The following NTMT1 variants were observed in gnomAD, a reference collection of about 807,000 sequenced individuals.
NTMT1 encodes the protein N-terminal Xaa-Pro-Lys N-methyltransferase 1.
A neutral mutation model predicts 17.5 loss-of-function variants in NTMT1; 8 were observed. That is an observed-to-expected ratio of 0.46 (90% CI 0.27 to 0.82). NTMT1 has a LOEUF of 0.82. Among genes scored for constraint, NTMT1 ranks in the 40% least tolerant of loss-of-function variants. NTMT1 has a pLI of 0.15. For synonymous variants in NTMT1, 128 were observed against 126.8 expected, an observed-to-expected ratio of 1.01 and a Z score of -0.06; for missense variants, 221 against 303.5, an observed-to-expected ratio of 0.73 and a Z score of 2.02.
chr9:129,619,593 G>A, intron 1 of NTMT1: 1 of 1,614,134 alleles, frequency 6.2e-7, no homozygotes, highest in Non-Finnish European at 8.5e-7. Context: ...GTCTGCTGGA[G>A]CGAAATCTTC....
intron 1 of NTMT1, among the ~76,000 whole-genome samples, chr9:129,630,513 G>A (rs1297424283): frequency 3.3e-5 from 5 of 152,100 alleles, no homozygotes; most frequent in South Asian, 2.1e-4. Flanking sequence ...CAAAGGCCTC[G>A]TGCTCCTTCT....
intron 1 of NTMT1, chr9:129,619,854 T>C (rs765235911): frequency 3.1e-6 from 5 of 1,611,578 alleles, no homozygotes; most frequent in Middle Eastern, 3.3e-4. Context: ...GAAACAGTTG[T>C]GAGCCTTGGC....
At chr9:129,610,380 C>CG in intron 1 of NTMT1, among the ~76,000 whole-genome samples, 1 of 151,622 alleles carries the variant, frequency 6.6e-6, no homozygotes, top group Non-Finnish European at 1.5e-5. Context: ...AGACCCGCCC[C>CG]GGGGGCTCCA....
chr9:129,611,894 A>G (rs894163221), intron 1 of NTMT1, among the ~76,000 whole-genome samples: 6 of 151,936 alleles, frequency 3.9e-5, no homozygotes, highest in African/African-American at 1.5e-4. Context: ...CTGGGGCTAG[A>G]GGCGTGGAGC....
At chr9:129,619,498 C>T in intron 1 of NTMT1, 1 of 1,567,856 alleles carries the variant, frequency 6.4e-7, no homozygotes, top group South Asian at 1.1e-5. Flanking sequence ...ACTACCCTAC[C>T]CTTATCCCGC....
chr9:129,630,174 G>C (rs1194907909), intron 1 of NTMT1, among the ~76,000 whole-genome samples: 3 of 152,060 alleles, frequency 2.0e-5, no homozygotes, highest in Non-Finnish European at 4.4e-5. Context: ...TAACAAATTT[G>C]ACCAATGAAA....
rs764011501 is a variant in NTMT1 at position 129,613,551 on chromosome 9, C to T, written c.-55+4373C>T. On this transcript the variant is annotated intron_variant, in intron 1 of 3. Coordinates refer to the NTMT1 transcript ENST00000372486. The surrounding 1 kb of genome is among the most constrained non-coding windows in gnomAD (Gnocchi z 6.2). ...CGACACTCCCAAACACCCGCTCGGA[C>T]GCCACTGGCAGGGCGGCCTTCTGGT... 64 of 1,614,100 alleles carry T rather than the reference C, an allele frequency of 4.0e-5. No homozygotes were observed. In the East Asian group the frequency reaches 4.2e-4, roughly 11 times the overall value.
At chr9:129,622,065 C>T (rs561121929), upstream of NTMT1, among the ~76,000 whole-genome samples, 6 of 152,336 alleles carry the variant, frequency 3.9e-5, no homozygotes, top group African/African-American at 1.2e-4. Flanking sequence ...CTGGCCGCAG[C>T]CACCTGGGGC....
In NTMT1 at chr9:129,620,866, G is replaced by C. The variant is rs773377935; in HGVS notation, c.-55+11688G>C. 1.2e-5 allele frequency: 4 copies of C among 336,122 alleles called. No homozygotes were observed. Among genetic ancestry groups the C allele is most frequent in the Non-Finnish European group, 2.1e-5 (4 of 186,858 alleles). The allele number at this position is 336,122 out of a possible 1,614,324, so 20.8% of individuals were successfully genotyped here. A position where few individuals can be genotyped will look rare whatever the true frequency, so the allele number is the denominator to read the frequency against. On this transcript the variant is annotated intron_variant, in intron 1 of 3. Transcript: ENST00000372486. The surrounding 1 kb of genome is among the most constrained non-coding windows in gnomAD (Gnocchi z 5.8). ...GTCTTAGAACAGCAAGCTCGGTACAGTGCCAGGCACGCTGGCCAAGCTTAC... is the reference window on the plus strand; with the variant it reads ...GTCTTAGAACAGCAAGCTCGGTACACTGCCAGGCACGCTGGCCAAGCTTAC...
At chr9:129,612,474 C>T in intron 1 of NTMT1, 1 of 1,598,580 alleles carries the variant, frequency 6.3e-7, no homozygotes, top group Non-Finnish European at 8.6e-7. Flanking sequence ...GACAGAGGAC[C>T]AGCTGGCTGC....
At chr9:129,612,301 TCA>T in intron 1 of NTMT1, 3 of 1,523,638 alleles carry the variant, frequency 2.0e-6, no homozygotes. Context: ...AGGACGCTCC[TCA>T]TTGCCTGGCC....
Position 129,613,692 on chromosome 9 carries a change from G to C in NTMT1, c.-55+4514G>C. On this transcript the variant is annotated intron_variant, in intron 1 of 3. Transcript: ENST00000372486. The surrounding 1 kb of genome is among the most constrained non-coding windows in gnomAD (Gnocchi z 6.2). The stretch of plus-strand genomic sequence containing the variant: ...TCCCTCTGGCAGGCAGGGCCGGTCA[G>C]AGCCCTGTCTCCATGGCAACCCCAG... 1 of 1,504,116 alleles carries C rather than the reference G, an allele frequency of 6.6e-7. No homozygotes were observed. The highest frequency in any genetic ancestry group is 9.0e-7 in the Non-Finnish European group (1 of 1,105,300). 93.2% of individuals were successfully genotyped at this position (1,504,116 alleles called of 1,614,324 possible).
intron 1 of NTMT1, among the ~76,000 whole-genome samples, chr9:129,631,039 A>G (rs1437311198): frequency 2.6e-5 from 4 of 152,028 alleles, no homozygotes; most frequent in Admixed American, 2.6e-4. Context: ...CACCTTCCAC[A>G]GTCTTCCCCC....
At chr9:129,630,759 C>T (rs2118947384) in intron 1 of NTMT1, among the ~76,000 whole-genome samples, 1 of 152,366 alleles carries the variant, frequency 6.6e-6, no homozygotes, top group African/African-American at 2.4e-5. Flanking sequence ...GCAGCACGTG[C>T]GAGGCGGTGA....
At position 129,620,685 on chromosome 9, in the gene NTMT1, A is replaced by ACTATG; in HGVS notation, c.-55+11507_-55+11508insCTATG. On this transcript the variant is annotated intron_variant, in intron 1 of 3. Coordinates refer to the NTMT1 transcript ENST00000372486. The surrounding 1 kb of genome is among the most constrained non-coding windows in gnomAD (Gnocchi z 5.8). ...CAGGCCATAGTGCCCCGGGCGGGGC[A>ACTATG]GCGCGGTGCGGGGTGAACGCCACCG... The ACTATG allele has an allele frequency of 9.5e-7, 1 of 1,054,922 alleles. No individual in the cohort carries two copies. The highest frequency in any genetic ancestry group is 1.2e-6 in the Non-Finnish European group (1 of 826,772). The allele number at this position is 1,054,922 out of a possible 1,614,324, so 65.3% of individuals were successfully genotyped here.
intron 1 of NTMT1, among the ~76,000 whole-genome samples, chr9:129,631,111 A>C (rs1588138744): frequency 1.3e-5 from 2 of 150,416 alleles, no homozygotes; most frequent in African/African-American, 2.5e-5. Context: ...TGTCTGCCCC[A>C]CCCCCTCCAG....
chr9:129,624,676 C>G (rs2118910020), upstream of NTMT1, among the ~76,000 whole-genome samples: 1 of 152,318 alleles, frequency 6.6e-6, no homozygotes, highest in Admixed American at 6.5e-5. Context: ...GTCACCCAGG[C>G]TGGAAAGCAA....
rs551125031 is a variant in NTMT1 at position 129,615,485 on chromosome 9, T to G, written c.-55+6307T>G. The stretch of plus-strand genomic sequence containing the variant: ...AGGCTCCCCATCCTGTCTGCTTACC[T>G]GAGCGTCTGCGCTCCCAGTAGCGGA... On this transcript the variant is annotated intron_variant, in intron 1 of 3. Transcript: ENST00000372486. The G allele has an allele frequency of 6.9e-6, 11 of 1,589,402 alleles. No individual in the cohort carries two copies. In the South Asian group the frequency reaches 1.3e-4, roughly 18 times the overall value.
At chr9:129,623,012 G>T (rs544756927), upstream of NTMT1, among the ~76,000 whole-genome samples, 1 of 143,408 alleles carries the variant, frequency 7.0e-6, no homozygotes, top group Non-Finnish European at 1.5e-5. Flanking sequence ...CTGGGCAACA[G>T]AGTGAGACTC....
Sources: allele counts gnomAD v4.1 joint callset (sites outside exome capture counted in the v4.1 genomes callset), GRCh38; gene constraint gnomAD v4.1.1; non-coding constraint Gnocchi (gnomAD v3.1); transcripts MANE v1.5; gene names NCBI Gene and HGNC (gene_info 2026-07-23, HGNC 2026-07-21).